BMPR1A: variants seen among roughly 807,000 people sequenced by gnomAD.
The protein encoded by BMPR1A is bone morphogenetic protein receptor type-1A.
Under a neutral mutation model 66.0 loss-of-function variants are expected in BMPR1A, and 7 were observed. The observed-to-expected ratio is 0.11, with a 90% CI of 0.06 to 0.20. BMPR1A has a LOEUF of 0.20. Among genes scored for constraint, BMPR1A ranks in the 10% least tolerant of loss-of-function variants. The pLI is 1.00. For synonymous variants in BMPR1A, 200 were observed against 229.7 expected (o/e 0.87, Z 1.17); for missense variants, 408 against 669.1 (o/e 0.61, Z 4.31).
At chr10:86,831,970 C>T (rs747133411) in intron 1 of BMPR1A, among the ~76,000 whole-genome samples, 2 of 152,090 alleles carry the variant, frequency 1.3e-5, no homozygotes, top group Non-Finnish European at 2.9e-5. Context: ...TGGCTATACT[C>T]AAGTTTTTTG....
At chr10:86,830,563 T>C (rs1408706540) in intron 1 of BMPR1A, among the ~76,000 whole-genome samples, 2 of 152,238 alleles carry the variant, frequency 1.3e-5, no homozygotes, top group African/African-American at 4.8e-5. Flanking sequence ...TTGGTTTGCG[T>C]TTCCCTGATG....
At chr10:86,857,768 CAAG>C (rs1304310263) in intron 2 of BMPR1A, among the ~76,000 whole-genome samples, 2 of 143,666 alleles carry the variant, frequency 1.4e-5, no homozygotes, top group African/African-American at 2.6e-5. Context: ...AAAAAAAAAA[CAAG>C]GAGAAAGCTG....
intron 7 of BMPR1A, among the ~76,000 whole-genome samples, chr10:86,900,759 C>G (rs1217214310): frequency 6.6e-6 from 1 of 152,098 alleles, no homozygotes; most frequent in Non-Finnish European, 1.5e-5. Context: ...GTTGAGAAAT[C>G]GTGTTTTGGG....
At chr10:86,896,286 TAA>T (rs199696928) in intron 5 of BMPR1A, among the ~76,000 whole-genome samples, 2 of 134,902 alleles carry the variant, frequency 1.5e-5, no homozygotes, top group Non-Finnish European at 3.4e-5. Context: ...TCTTCTATCA[TAA>T]AAAAAAAGAA....
In BMPR1A at chr10:86,915,136, C is replaced by T. The variant is rs186753509; in HGVS notation, c.676-1998C>T. Among the ~76,000 whole-genome samples the T allele has an allele frequency of 1.6e-4, 25 of 152,286 alleles. 1 individual carries two copies. The highest frequency in any genetic ancestry group is 6.8e-3 in the Middle Eastern group (2 of 294). On this transcript the variant is annotated intron_variant, in intron 8 of 12. Coordinates refer to ENST00000372037, the MANE Select transcript of BMPR1A (RefSeq NM_004329.3). ...CAAAAGGCTACACAAAAGTGATTCT[C>T]CTGCCTCAGCCTCCCAAGTAGCTGG...
chr10:86,922,043 T>TTC (rs1554891399), intron 11 of BMPR1A, among the ~76,000 whole-genome samples: 1 of 151,680 alleles, frequency 6.6e-6, no homozygotes, highest in African/African-American at 2.4e-5. Flanking sequence ...TTATTAAACA[T>TTC]CCCCCCCCAT....
chr10:86,840,207 G>A (rs1192072617), intron 2 of BMPR1A, among the ~76,000 whole-genome samples: 1 of 152,096 alleles, frequency 6.6e-6, no homozygotes, highest in Non-Finnish European at 1.5e-5. Flanking sequence ...AGTGGTCTAC[G>A]CTTACACTTC....
intron 5 of BMPR1A, 44 bp from the exon 6 acceptor site, chr10:86,899,750 A>G: frequency 4.4e-6 from 7 of 1,573,886 alleles, no homozygotes; most frequent in Non-Finnish European, 6.1e-6. Flanking sequence ...ATATCAGTTT[A>G]AAATACCAAA....
intron 1 of BMPR1A, among the ~76,000 whole-genome samples, chr10:86,772,481 A>T (rs12783002): frequency 0.25 from 37,514 of 151,970 alleles, 8,139 homozygotes; most frequent in African/African-American, 0.59. Context: ...CTTAAAATAA[A>T]TGACCTTGGG....
intron 1 of BMPR1A, among the ~76,000 whole-genome samples, chr10:86,778,619 C>G (rs1564681363): frequency 6.6e-6 from 1 of 152,034 alleles, no homozygotes; most frequent in Non-Finnish European, 1.5e-5. Context: ...TATTCTCCTT[C>G]TAGCTATTTG....
At chr10:86,774,525 T>G (rs1388521910) in intron 1 of BMPR1A, among the ~76,000 whole-genome samples, 1 of 152,136 alleles carries the variant, frequency 6.6e-6, no homozygotes, top group Non-Finnish European at 1.5e-5. Flanking sequence ...GAATTGATGA[T>G]TCTTATTTTA....
At chr10:86,801,203 T>C (rs61522068) in intron 1 of BMPR1A, among the ~76,000 whole-genome samples, 33,411 of 152,006 alleles carry the variant, frequency 0.22, 4,796 homozygotes, top group East Asian at 0.64. Flanking sequence ...GCAGTGGTGC[T>C]ATCACGGGCT....
In BMPR1A at chr10:86,924,043, G is replaced by A. The variant is rs1232706182; in HGVS notation, c.*324G>A. 2.4e-6 allele frequency: 1 copy of A among 423,114 alleles called. No homozygotes were observed. Among genetic ancestry groups the A allele is most frequent in the African/African-American group, 2.0e-5 (1 of 50,766 alleles). The allele number at this position is 423,114 out of a possible 1,614,324, so 26.2% of individuals were successfully genotyped here. A position where few individuals can be genotyped will look rare whatever the true frequency, so the allele number is the denominator to read the frequency against. ...TCAAGCTCTGGGTACTGAATTGCCT[G>A]TTCATAAAACGGTGCTTTCTGTGAA... On this transcript the variant is annotated 3_prime_UTR_variant, in exon 13 of 13. Transcript: ENST00000372037.
chr10:86,884,308 A>G (rs1843035601), intron 3 of BMPR1A, among the ~76,000 whole-genome samples: 1 of 147,548 alleles, frequency 6.8e-6, no homozygotes, highest in Admixed American at 6.9e-5. Flanking sequence ...CTGGTCTTGA[A>G]CTCCTGAGCT....
intron 3 of BMPR1A, among the ~76,000 whole-genome samples, chr10:86,883,240 G>A (rs970895446): frequency 1.3e-5 from 2 of 152,182 alleles, no homozygotes. Flanking sequence ...TGTAATCACA[G>A]CATTTTGGGA....
intron 1 of BMPR1A, among the ~76,000 whole-genome samples, chr10:86,771,871 C>T (rs1339228576): frequency 2.0e-5 from 3 of 152,094 alleles, no homozygotes; most frequent in African/African-American, 4.8e-5. Context: ...AAGCTTAGAT[C>T]CTCCCGCCTT....
chr10:86,783,981 T>C (rs1430543866), intron 1 of BMPR1A, among the ~76,000 whole-genome samples: 1 of 152,272 alleles, frequency 6.6e-6, no homozygotes, highest in African/African-American at 2.4e-5. Flanking sequence ...CCTCCTGCTT[T>C]GCTTAGTTTA....
At chr10:86,788,590 C>T (rs1687645329) in intron 1 of BMPR1A, among the ~76,000 whole-genome samples, 1 of 152,128 alleles carries the variant, frequency 6.6e-6, no homozygotes. Context: ...TCCTTTGAAC[C>T]AGTGTTCAAG....
chr10:86,831,191 AC>A (rs1842262775), intron 1 of BMPR1A, among the ~76,000 whole-genome samples: 1 of 152,158 alleles, frequency 6.6e-6, no homozygotes, highest in Non-Finnish European at 1.5e-5. Context: ...CTGCATGTGT[AC>A]CCTTCAGCCC....
Sources: gnomAD v4.1 joint callset for allele counts (sites outside exome capture counted in the v4.1 genomes callset) on GRCh38, gnomAD v4.1.1 for gene constraint, MANE v1.5 for transcripts, NCBI Gene and HGNC (gene_info 2026-07-23, HGNC 2026-07-21) for gene names.